The following MAP4 variants were observed in gnomAD, a reference collection of about 807,000 sequenced individuals.
MAP4 encodes the protein microtubule associated protein 4, also known as microtubule-associated protein 4.
MAP4 carries 76 observed loss-of-function variants against 170.2 expected under a neutral mutation model. The ratio of observed to expected loss-of-function variants is 0.45; its 90% CI spans 0.37 to 0.54. MAP4 has a LOEUF of 0.54. Ranked by LOEUF, MAP4 falls within the 20% of genes least tolerant of loss-of-function variation. MAP4 has a pLI of 0.00. For missense variants in MAP4, 2,506 were observed against 2,748.0 expected (o/e 0.91, Z 1.97); for synonymous variants, 909 against 994.5 (o/e 0.91, Z 1.62).
chr3:48,057,645 AG>A (rs1323153424), intron 1 of MAP4, among the ~76,000 whole-genome samples: 3 of 139,740 alleles, frequency 2.1e-5, no homozygotes, highest in Non-Finnish European at 4.5e-5. Context: ...AAGAAAAAAA[AG>A]AAAAAAAAAA....
At chr3:48,000,701 A>C (rs2100098638) in intron 1 of MAP4, among the ~76,000 whole-genome samples, 1 of 152,104 alleles carries the variant, frequency 6.6e-6, no homozygotes, top group Admixed American at 6.6e-5. Flanking sequence ...TAGCCAATCT[A>C]TTTCTGTTGT....
chr3:48,014,736 C>A (rs1200781695), intron 1 of MAP4, among the ~76,000 whole-genome samples: 4 of 152,024 alleles, frequency 2.6e-5, no homozygotes, highest in Non-Finnish European at 5.9e-5. Flanking sequence ...AGGAAACCTT[C>A]ATTTTACTGT....
intron 2 of MAP4, among the ~76,000 whole-genome samples, chr3:47,997,835 G>A (rs1579045276): frequency 6.6e-6 from 1 of 152,192 alleles, no homozygotes; most frequent in Non-Finnish European, 1.5e-5. Flanking sequence ...ATTTATGCCA[G>A]GAAAGGGACC....
chr3:48,047,025 C>T (rs2100124941), intron 1 of MAP4, among the ~76,000 whole-genome samples: 1 of 151,558 alleles, frequency 6.6e-6, no homozygotes, highest in Non-Finnish European at 1.5e-5. Context: ...ACCCAGGAGG[C>T]GGAGCTTGCA....
chr3:47,871,009 C>A lies in MAP4; in HGVS notation c.6098G>T (p.Arg2033Leu), dbSNP rs200106834. The A allele has an allele frequency of 6.2e-7, 1 of 1,614,054 alleles. No homozygotes were observed. Among genetic ancestry groups the A allele is most frequent in the Non-Finnish European group, 8.5e-7 (1 of 1,179,950 alleles). ...TAPAAGVVPS[R>L]VKATPMPSRP... ...GGAGGGCATGGGTGTGGCCTTGACTCGGCTGGGAACCACCCCTGCAGCGGG... is the reference window on the plus strand; with the variant it reads ...GGAGGGCATGGGTGTGGCCTTGACTAGGCTGGGAACCACCCCTGCAGCGGG... Residue 2033 changes from arginine (R) to leucine (L), a missense_variant, in exon 15 of 21, where the codon CGA becomes CTA. By Grantham distance (102) the Arg-to-Leu change is moderately radical. This residue lies in a region of MAP4 where 487 missense variants were observed against 511.6 expected (regional missense o/e 0.95). Transcript: ENST00000683076.
Position 47,910,973 on chromosome 3 carries a change from C to T in MAP4, c.3448G>A (p.Val1150Met), listed in dbSNP as rs182774959. 5.2e-4 allele frequency: 793 copies of T among 1,536,160 alleles called. 2 individuals are homozygous for T. Among genetic ancestry groups the T allele is most frequent in the Admixed American group, 6.7e-4 (34 of 50,988 alleles). Reference sequence around the variant, plus strand: ...ATCAATGCCTGCATGGTGCCTGCCACCTTAGGCTGAGTCATCTCTTTAGGC... The same window carrying T: ...ATCAATGCCTGCATGGTGCCTGCCATCTTAGGCTGAGTCATCTCTTTAGGC... ...GEPKEMTQPK[V>M]AGTMQALIPL... Residue 1150 changes from valine to methionine, a missense_variant, in exon 9 of 21, where the codon GTG becomes ATG. By Grantham distance (21) the Val-to-Met change is conservative. This residue lies in a region of MAP4 where 2,008 missense variants were observed against 2,206.0 expected (regional missense o/e 0.91). Coordinates refer to ENST00000683076, the MANE Select transcript of MAP4 (RefSeq NM_001385682.1).
At chr3:48,060,231 A>G (rs1248177178) in intron 1 of MAP4, among the ~76,000 whole-genome samples, 2 of 152,212 alleles carry the variant, frequency 1.3e-5, no homozygotes, top group Non-Finnish European at 2.9e-5. Flanking sequence ...GATCTTTCTC[A>G]GCCACTATGA....
At chr3:48,055,223 C>T (rs1353719055) in intron 1 of MAP4, among the ~76,000 whole-genome samples, 2 of 150,984 alleles carry the variant, frequency 1.3e-5, no homozygotes, top group East Asian at 1.9e-4. Flanking sequence ...TCTCCGTCTC[C>T]GTCTCCGTCT....
chr3:47,984,310 T>C (rs1162367865), intron 2 of MAP4, among the ~76,000 whole-genome samples: 7 of 152,188 alleles, frequency 4.6e-5, no homozygotes, highest in Non-Finnish European at 1.0e-4. Context: ...CCTGGTATTT[T>C]TGACCTAAAA....
intron 1 of MAP4, among the ~76,000 whole-genome samples, chr3:48,047,963 C>T (rs1456811170): frequency 6.6e-6 from 1 of 152,130 alleles, no homozygotes; most frequent in African/African-American, 2.4e-5. Context: ...AGATGTTTGG[C>T]ACAGTGACAC....
At chr3:47,900,957 ACTTT>A (rs1186388359) in intron 10 of MAP4, among the ~76,000 whole-genome samples, 3 of 152,170 alleles carry the variant, frequency 2.0e-5, no homozygotes, top group Admixed American at 6.6e-5. Context: ...TTAGGAGCTT[ACTTT>A]CTTTTCCCCA....
chr3:47,968,339 A>G (rs1394817593), intron 3 of MAP4, among the ~76,000 whole-genome samples: 1 of 152,212 alleles, frequency 6.6e-6, no homozygotes, highest in Non-Finnish European at 1.5e-5. Flanking sequence ...AGGACAGACC[A>G]TATGTTAGGC....
chr3:47,922,578 C>T (rs1376304747), intron 4 of MAP4, among the ~76,000 whole-genome samples: 2 of 149,064 alleles, frequency 1.3e-5, no homozygotes, highest in Admixed American at 1.3e-4. Flanking sequence ...AAAAAAAAAC[C>T]AACAAGTAAT....
chr3:47,852,935 C>CA lies in MAP4; in HGVS notation c.6889dup (p.Ter2297LeufsTer6), dbSNP rs1185827832. On this transcript the variant is annotated frameshift_variant and stop_lost, in exon 21 of 21. Coordinates refer to ENST00000683076, the MANE Select transcript of MAP4 (RefSeq NM_001385682.1). LOFTEE classifies it high-confidence loss of function. The stretch of plus-strand genomic sequence containing the variant: ...GCCCGGAACGTCAGCCTGTAGGTCT[C>CA]AATCTGCAGTGACATGGGAGGAGGG... The CA allele has an allele frequency of 1.9e-6, 3 of 1,612,892 alleles. No individual in the cohort carries two copies. Among genetic ancestry groups the CA allele is most frequent in the Non-Finnish European group, 1.7e-6 (2 of 1,179,328 alleles).
At chr3:48,047,601 T>G (rs2100125268) in intron 1 of MAP4, among the ~76,000 whole-genome samples, 2 of 152,102 alleles carry the variant, frequency 1.3e-5, no homozygotes, top group African/African-American at 4.8e-5. Context: ...AAAGATGACA[T>G]GAAACCTACA....
rs2100142882 is a variant in MAP4 at position 48,074,679 on chromosome 3, TGTGTGTGTGTGTGTG to T, written c.-20+14079_-20+14093del. ...GCAAGCCACCACATCCAGCTAATTG[TGTGTGTGTGTGTGTG>T]TGTGTGTGTGTGTGTGTGTGTGTGT... On this transcript the variant is annotated intron_variant, in intron 1 of 18. Transcript: ENST00000360240. Among the ~76,000 whole-genome samples, 5 of 125,428 alleles carry T rather than the reference TGTGTGTGTGTGTGTG, an allele frequency of 4.0e-5. 1 individual carries two copies. In the South Asian group the frequency reaches 8.7e-4, roughly 22 times the overall value. The allele number at this position is 125,428 out of a possible 152,430, so 82.3% of individuals were successfully genotyped here.
intron 10 of MAP4, among the ~76,000 whole-genome samples, chr3:47,888,472 C>T (rs532430425): frequency 4.7e-4 from 71 of 152,100 alleles, no homozygotes; most frequent in African/African-American, 1.0e-3. Context: ...ACTCCAGACG[C>T]GCTGCCTTAA....
rs370902637 is a variant in MAP4, at chr3:48,055,267, C to T, written c.-20+33506G>A. Among the ~76,000 whole-genome samples the T allele has an allele frequency of 1.6e-3, 249 of 152,024 alleles. 2 individuals carry two copies. Among genetic ancestry groups the T allele is most frequent in the African/African-American group, 5.7e-3 (234 of 41,350 alleles). On this transcript the variant is annotated intron_variant, in intron 1 of 18. Coordinates refer to the MAP4 transcript ENST00000360240. ...CCATGGTCTCCCTCTCATGCGGAGCCGAAGCTGGACTGTACTGCTGCCATC... is the reference window on the plus strand; with the variant it reads ...CCATGGTCTCCCTCTCATGCGGAGCTGAAGCTGGACTGTACTGCTGCCATC...
intron 4 of MAP4, among the ~76,000 whole-genome samples, chr3:47,922,845 T>C (rs1577668947): frequency 6.6e-6 from 1 of 152,104 alleles, no homozygotes; most frequent in Non-Finnish European, 1.5e-5. Context: ...GTCTGGAGAT[T>C]GAGACCATCC....
Sources: gnomAD v4.1 joint callset for allele counts (sites outside exome capture counted in the v4.1 genomes callset) on GRCh38, gnomAD v4.1.1 for gene constraint, gnomAD v4.1.1 regional missense constraint, MANE v1.5 for transcripts, NCBI Gene and HGNC (gene_info 2026-07-23, HGNC 2026-07-21) for gene names.